Variants in MCF2L observed in about 807,000 individuals in gnomAD.
MCF2L encodes the protein guanine nucleotide exchange factor DBS.
Under a neutral mutation model 153.4 loss-of-function variants are expected in MCF2L, and 97 were observed. The ratio of observed to expected loss-of-function variants is 0.63; its 90% CI spans 0.54 to 0.75. MCF2L has a LOEUF of 0.75. Ranked by LOEUF, MCF2L falls within the 30% of genes least tolerant of loss-of-function variation. The probability of loss-of-function intolerance (pLI) is 0.00; values close to 1 mark genes in which losing one functional copy is unlikely to be tolerated. For missense variants in MCF2L, 1,347 were observed against 1,495.2 expected (o/e 0.90, Z 1.64); for synonymous variants, 659 against 632.2 (o/e 1.04, Z -0.64).
chr13:113,058,597 G>C (rs2030727119), intron 4 of MCF2L, among the ~76,000 whole-genome samples: 1 of 150,936 alleles, frequency 6.6e-6, no homozygotes, highest in Non-Finnish European at 1.5e-5. Context: ...TGAGTGTTTG[G>C]GTGCTGAGTG....
chr13:113,093,769 G>C (rs7324483), intron 26 of MCF2L: 138,646 of 152,466 alleles, frequency 0.91, 63,199 homozygotes, highest in African/African-American at 0.94. Flanking sequence ...CTGGTTGCTG[G>C]CTTTGCGTGT....
At chr13:113,007,719 C>T (rs548098396) in intron 1 of MCF2L, among the ~76,000 whole-genome samples, 4 of 152,182 alleles carry the variant, frequency 2.6e-5, no homozygotes, top group African/African-American at 9.6e-5. Context: ...GGGGAGTCGG[C>T]GGGAGAGACG....
chr13:113,051,735 T>C (rs2087344220), intron 4 of MCF2L, among the ~76,000 whole-genome samples: 1 of 152,072 alleles, frequency 6.6e-6, no homozygotes, highest in African/African-American at 2.4e-5. Flanking sequence ...TGCCTTACAG[T>C]TGAGGAGCCT....
chr13:113,084,125 C>G, intron 18 of MCF2L, 58 bp downstream of exon 18: 1 of 1,344,808 alleles, frequency 7.4e-7, no homozygotes, highest in East Asian at 2.3e-5. Context: ...TGAATAATGA[C>G]TTCAGATTCT....
rs900240859 is a variant in MCF2L, at chr13:112,941,679, C to G, written c.169+39308C>G. ...GTGCCGAGGCAAGAGACCAAGGGCA[C>G]GAGCTGTTCCAGTATAATAAAATAT... On this transcript the variant is annotated intron_variant, in intron 2 of 29. Transcript: ENST00000375608. The surrounding 1 kb of genome is among the most constrained non-coding windows in gnomAD (Gnocchi z 4.9). 6.6e-6 allele frequency among the ~76,000 whole-genome samples: 1 copy of G among 152,078 alleles called. No individual in the cohort carries two copies. The highest frequency in any genetic ancestry group is 1.9e-4 in the East Asian group (1 of 5,186).
intron 1 of MCF2L, among the ~76,000 whole-genome samples, chr13:112,995,527 G>A (rs2083089485): frequency 6.6e-6 from 1 of 152,226 alleles, no homozygotes; most frequent in Non-Finnish European, 1.5e-5. Flanking sequence ...CCCCAGGAGA[G>A]CAGAGGGGAG....
At chr13:112,895,859 C>G (rs1765766) in intron 1 of MCF2L, among the ~76,000 whole-genome samples, 136,452 of 151,874 alleles carry the variant, frequency 0.9, 61,393 homozygotes, top group South Asian at 0.96. Context: ...GGCTGTGCAG[C>G]GGTCCCGGTG....
chr13:113,009,341 T>G (rs925448494), intron 1 of MCF2L: 1 of 152,274 alleles, frequency 6.6e-6, no homozygotes, highest in African/African-American at 2.4e-5. Flanking sequence ...GTGAACCATG[T>G]GATTTAAGTC....
chr13:113,051,169 C>T (rs1490223870), intron 4 of MCF2L, among the ~76,000 whole-genome samples: 3 of 152,204 alleles, frequency 2.0e-5, no homozygotes, highest in Non-Finnish European at 2.9e-5. Context: ...TCCTCCGCAC[C>T]AGCTGCTGTG....
chr13:113,019,974 C>T (rs1374421946), intron 2 of MCF2L, among the ~76,000 whole-genome samples: 4 of 152,130 alleles, frequency 2.6e-5, no homozygotes, highest in East Asian at 1.9e-4. Context: ...TTGTTACGGC[C>T]GCCCAGACAG....
Position 112,989,443 on chromosome 13 carries a change from G to A in MCF2L, c.79+19985G>A, listed in dbSNP as rs376890864. Among the ~76,000 whole-genome samples the A allele has an allele frequency of 2.0e-3, 94 of 47,766 alleles. 4 individuals carry two copies. Among genetic ancestry groups the A allele is most frequent in the African/African-American group, 2.2e-3 (27 of 12,118 alleles). 31.3% of individuals were successfully genotyped at this position (47,766 alleles called of 152,430 possible). A position where few individuals can be genotyped will look rare whatever the true frequency, so the allele number is the denominator to read the frequency against. On this transcript the variant is annotated intron_variant, in intron 1 of 29. Coordinates refer to ENST00000535094, the MANE Select transcript of MCF2L (RefSeq NM_001112732.3). ...AGCAGGACATGGAGCTACCACGCCC[G>A]AGTCCTCCCTGAGCAGGACATGGAG... is the stretch of plus-strand genomic sequence containing the variant.
chr13:112,940,547 T>A (rs2081565477), intron 2 of MCF2L, among the ~76,000 whole-genome samples: 1 of 152,214 alleles, frequency 6.6e-6, no homozygotes, highest in Non-Finnish European at 1.5e-5. Context: ...TCTCAGTGGG[T>A]TTCAGGGACA....
chr13:112,895,012 G>A (rs2081052714), intron 1 of MCF2L, among the ~76,000 whole-genome samples: 1 of 152,038 alleles, frequency 6.6e-6, no homozygotes, highest in African/African-American at 2.4e-5. Flanking sequence ...TGCTTGTCCC[G>A]GGCCAGGGTC....
At chr13:112,997,387 G>A (rs1452312281) in intron 1 of MCF2L, among the ~76,000 whole-genome samples, 1 of 152,190 alleles carries the variant, frequency 6.6e-6, no homozygotes, top group Non-Finnish European at 1.5e-5. Context: ...GGCAGCTCCT[G>A]CAGACACCTG....
intron 2 of MCF2L, among the ~76,000 whole-genome samples, chr13:112,929,081 G>A (rs527510049): frequency 8.5e-5 from 13 of 152,344 alleles, no homozygotes; most frequent in Non-Finnish European, 1.3e-4. Context: ...TGTGTCTTCT[G>A]GGGCCTCCCA....
chr13:113,096,737 C>G, intron 29 of MCF2L, 37 bp from the exon 30 acceptor site: 2 of 1,554,070 alleles, frequency 1.3e-6, no homozygotes, highest in Non-Finnish European at 1.7e-6. Context: ...CCGGCAGAGC[C>G]GACGCCGAAG....
rs954009808 is a variant in MCF2L, at chr13:113,053,624, C to T, written c.370-6969C>T. Among the ~76,000 whole-genome samples, 2 of 152,128 alleles carry T rather than the reference C, an allele frequency of 1.3e-5. No individual in the cohort carries two copies. The highest frequency in any genetic ancestry group is 1.3e-4 in the Admixed American group (2 of 15,280). ...GATGCTCAGGACGGGGCGAAGGTCC[C>T]GTGGCTGAGGTGTCCACTGACCGTT... On this transcript the variant is annotated intron_variant, in intron 4 of 29. Transcript: ENST00000535094. The surrounding 1 kb of genome is among the most constrained non-coding windows in gnomAD (Gnocchi z 4.4).
chr13:112,921,756 A>G (rs190245357), intron 2 of MCF2L, among the ~76,000 whole-genome samples: 1 of 152,344 alleles, frequency 6.6e-6, no homozygotes, highest in African/African-American at 2.4e-5. Context: ...GAAACAAAAC[A>G]AAAATGCCGC....
At chr13:112,990,058 G>A (rs1214921214) in intron 1 of MCF2L, among the ~76,000 whole-genome samples, 1 of 152,108 alleles carries the variant, frequency 6.6e-6, no homozygotes, top group East Asian at 1.9e-4. Flanking sequence ...TCACTCACCC[G>A]CCACTCACCT....
Sources: allele counts gnomAD v4.1 joint callset (sites outside exome capture counted in the v4.1 genomes callset), GRCh38; gene constraint gnomAD v4.1.1; non-coding constraint Gnocchi (gnomAD v3.1); transcripts MANE v1.5; gene names NCBI Gene and HGNC (gene_info 2026-07-23, HGNC 2026-07-21).